BBS4: variants seen among roughly 807,000 people sequenced by gnomAD.
BBS4 encodes the protein Bardet-Biedl syndrome 4, also known as BBSome complex member BBS4.
In BBS4, 58 loss-of-function variants were observed where a neutral mutation model predicts 71.4. The ratio of observed to expected loss-of-function variants is 0.81; its 90% confidence interval spans 0.66 to 1.01. The LOEUF (loss-of-function observed/expected upper bound fraction) is 1.01. Ranked by LOEUF, BBS4 falls within the 50% of genes least tolerant of loss-of-function variation. The probability of loss-of-function intolerance (pLI) is 0.00; values close to 1 mark genes in which losing one functional copy is unlikely to be tolerated. For missense variants in BBS4, 660 were observed against 607.9 expected, an observed-to-expected ratio of 1.09 and a Z score of -0.90; for synonymous variants, 228 against 216.8, an observed-to-expected ratio of 1.05 and a Z score of -0.46.
intron 8 of BBS4, among the ~76,000 whole-genome samples, chr15:72,725,462 G>T (rs2065654042): frequency 6.6e-6 from 1 of 152,026 alleles, no homozygotes; most frequent in Non-Finnish European, 1.5e-5. Context: ...AAGGGAAGTG[G>T]GCAGACATGC....
intron 5 of BBS4, among the ~76,000 whole-genome samples, chr15:72,715,854 AG>A (rs1290549895): frequency 1.3e-5 from 2 of 152,236 alleles, no homozygotes; most frequent in Non-Finnish European, 2.9e-5. Flanking sequence ...TTATGTATTC[AG>A]TAGAAACTGT....
At chr15:72,708,710 T>C (rs2065310454) in intron 2 of BBS4, among the ~76,000 whole-genome samples, 2 of 152,178 alleles carry the variant, frequency 1.3e-5, no homozygotes, top group Non-Finnish European at 2.9e-5. Flanking sequence ...TAAATTCTTT[T>C]CCTAGCAAGG....
chr15:72,722,365 C>T (rs2065592498), intron 6 of BBS4, among the ~76,000 whole-genome samples: 1 of 152,202 alleles, frequency 6.6e-6, no homozygotes, highest in Admixed American at 6.5e-5. Flanking sequence ...GAAAGGACTT[C>T]AGTTGTGTCA....
At chr15:72,725,038 C>CTATA (rs67509027) in intron 8 of BBS4, among the ~76,000 whole-genome samples, 4,519 of 135,288 alleles carry the variant, frequency 0.033, 91 homozygotes, top group African/African-American at 0.047. Context: ...AAGCATCTGG[C>CTATA]TATATATATA....
chr15:72,722,287 A>G (rs1381406244), intron 6 of BBS4, among the ~76,000 whole-genome samples: 1 of 152,226 alleles, frequency 6.6e-6, no homozygotes, highest in African/African-American at 2.4e-5. Flanking sequence ...TCAGTCCTCA[A>G]GTTCACATCA....
intron 2 of BBS4, among the ~76,000 whole-genome samples, chr15:72,702,798 G>A: frequency 1.5e-5 from 1 of 66,946 alleles, no homozygotes; most frequent in East Asian, 5.4e-4. Context: ...GTGAGGAGCT[G>A]ACTCTTTTTT....
At chr15:72,710,195 GTTT>G (rs66684005) in intron 3 of BBS4, among the ~76,000 whole-genome samples, 10,966 of 102,938 alleles carry the variant, frequency 0.11, 922 homozygotes, top group African/African-American at 0.13. Flanking sequence ...ATTTTGTCGA[GTTT>G]TTTTTTTTTT....
chr15:72,725,309 T>C lies in BBS4; in HGVS notation c.587+654T>C, dbSNP rs148957734. ...GTCTTAAACTTCTGGGCTCAAGCGATCCTCCTGCCTCAGCCTTCCAAAGTG... is the reference window on the plus strand; with the variant it reads ...GTCTTAAACTTCTGGGCTCAAGCGACCCTCCTGCCTCAGCCTTCCAAAGTG... On this transcript the variant is annotated intron_variant, in intron 8 of 15. Transcript: ENST00000268057. Among the ~76,000 whole-genome samples, 1,251 of 152,212 alleles carry C rather than the reference T, an allele frequency of 8.2e-3. 18 individuals are homozygous for C. Among genetic ancestry groups the C allele is most frequent in the African/African-American group, 0.028 (1,176 of 41,530 alleles).
chr15:72,724,459 T>C, intron 7 of BBS4, 69 bp from the exon 8 acceptor site: 2 of 1,597,192 alleles, frequency 1.3e-6, no homozygotes, highest in Non-Finnish European at 8.6e-7. Context: ...GTCTTTACAT[T>C]AGCCATATAA....
intron 3 of BBS4, among the ~76,000 whole-genome samples, chr15:72,710,219 T>C (rs936271118): frequency 8.4e-6 from 1 of 118,702 alleles, no homozygotes; most frequent in African/African-American, 3.3e-5. Context: ...TTTTTTTTTT[T>C]TGAGATGGAG....
intron 1 of BBS4, among the ~76,000 whole-genome samples, chr15:72,688,986 T>C (rs2064931688): frequency 6.6e-6 from 1 of 152,052 alleles, no homozygotes; most frequent in Non-Finnish European, 1.5e-5. Flanking sequence ...TGTTCTCCTT[T>C]CTTTCTTCTG....
At position 72,735,824 on chromosome 15, in the gene BBS4, G is replaced by C. The variant is rs768030099; in HGVS notation, c.1107-1G>C. The C allele has an allele frequency of 6.2e-7, 1 of 1,614,140 alleles. No individual in the cohort carries two copies. Among genetic ancestry groups the C allele is most frequent in the South Asian group, 1.1e-5 (1 of 91,068 alleles). ...CTCCATAGAATCTCTGTCTGCCACA[G>C]GTGTAACCCTTTAGTAAACCTGAAC... On this transcript the variant is annotated splice_acceptor_variant, in intron 13 of 15. Transcript: ENST00000268057. LOFTEE classifies it high-confidence loss of function.
chr15:72,712,542 G>C (rs918292773), intron 4 of BBS4, among the ~76,000 whole-genome samples: 30 of 152,226 alleles, frequency 2.0e-4, no homozygotes, highest in African/African-American at 7.0e-4. Context: ...GATATAGTCT[G>C]TTGCTCCCAG....
chr15:72,701,834 T>G (rs569944808), intron 2 of BBS4, among the ~76,000 whole-genome samples: 1 of 152,312 alleles, frequency 6.6e-6, no homozygotes, highest in South Asian at 2.1e-4. Flanking sequence ...ATAGAAAAGC[T>G]TTAAAATCAT....
At position 72,725,599 on chromosome 15, in the gene BBS4, AAAAAC is replaced by A. The variant is rs201495007; in HGVS notation, c.587+966_587+970del. On this transcript the variant is annotated intron_variant, in intron 8 of 15. Transcript: ENST00000268057. Reference sequence around the variant, plus strand: ...GGGACAGAAATCTCCTGATTCAGTAAAAAACAAAACAAAACAAAACAAAACATTTG... The same window carrying A: ...GGGACAGAAATCTCCTGATTCAGTAAAAAACAAAACAAAACAAAACATTTG... Among the ~76,000 whole-genome samples, 785 of 152,234 alleles carry A rather than the reference AAAAAC, an allele frequency of 5.2e-3. 7 individuals carry two copies. The highest frequency in any genetic ancestry group is 0.015 in the African/African-American group (639 of 41,512).
At chr15:72,697,953 C>T (rs1406612637) in intron 2 of BBS4, 1 of 455,760 alleles carries the variant, frequency 2.2e-6, no homozygotes, top group Non-Finnish European at 4.4e-6. Flanking sequence ...CATGAGGCTA[C>T]TGAAGTCCTC....
In BBS4 at chr15:72,737,704, T is replaced by A. The variant is rs1415717905; in HGVS notation, c.*117T>A. 1 of 853,232 alleles carries A rather than the reference T, an allele frequency of 1.2e-6. No individual in the cohort carries two copies. Among genetic ancestry groups the A allele is most frequent in the African/African-American group, 1.7e-5 (1 of 59,596 alleles). 52.9% of individuals were successfully genotyped at this position (853,232 alleles called of 1,614,324 possible). On this transcript the variant is annotated 3_prime_UTR_variant, in exon 16 of 16. Transcript: ENST00000268057. ...ACCCACCACAGAATACAGTGTGTGT[T>A]ATTACGAGGAGCCAGCAGTTGAGCC...
chr15:72,734,435 AG>A (rs1305687954), intron 12 of BBS4, among the ~76,000 whole-genome samples: 1 of 152,202 alleles, frequency 6.6e-6, no homozygotes, highest in Non-Finnish European at 1.5e-5. Flanking sequence ...AGTGGGGGTT[AG>A]TGTTAGAGAA....
At chr15:72,722,206 T>C (rs143614355) in intron 6 of BBS4, among the ~76,000 whole-genome samples, 1 of 152,374 alleles carries the variant, frequency 6.6e-6, no homozygotes, top group Non-Finnish European at 1.5e-5. Context: ...AGTTTTCCCA[T>C]GTCAGCTCTA....
Sources: allele counts gnomAD v4.1 joint callset (sites outside exome capture counted in the v4.1 genomes callset), GRCh38; gene constraint gnomAD v4.1.1; transcripts MANE v1.5; gene names NCBI Gene and HGNC (gene_info 2026-07-23, HGNC 2026-07-21).